DNM3: variants seen among roughly 807,000 people sequenced by gnomAD.
DNM3 encodes the protein dynamin 3.
DNM3 carries 47 observed loss-of-function variants against 101.6 expected under a neutral mutation model. The observed-to-expected ratio is 0.46, with a 90% CI of 0.37 to 0.59. The LOEUF (loss-of-function observed/expected upper bound fraction) is 0.59, where lower values mean the gene tolerates loss of function less well. Among genes scored for constraint, DNM3 ranks in the 20% least tolerant of loss-of-function variants. DNM3 has a pLI of 0.00. For missense variants in DNM3, 849 were observed against 1,085.7 expected, an observed-to-expected ratio of 0.78 and a Z score of 3.06; for synonymous variants, 385 against 387.9, an observed-to-expected ratio of 0.99 and a Z score of 0.09.
At chr1:172,311,085 T>C (rs1228224488) in intron 16 of DNM3, 1 of 152,152 alleles carries the variant, frequency 6.6e-6, no homozygotes, top group Admixed American at 6.6e-5. Flanking sequence ...TTGAATGAGA[T>C]AATGCAGGGA....
intron 14 of DNM3, among the ~76,000 whole-genome samples, chr1:172,227,224 C>T (rs1170605603): frequency 7.2e-6 from 1 of 138,034 alleles, no homozygotes. Flanking sequence ...CAAGTTGCTG[C>T]AAATAACATT....
chr1:172,048,569 CA>C (rs1558482516), intron 9 of DNM3, 42 bp from the exon 10 acceptor site: 1 of 1,559,772 alleles, frequency 6.4e-7, no homozygotes, highest in Admixed American at 2.1e-5. Context: ...GAATATTACT[CA>C]ATTAAAAAAA....
intron 14 of DNM3, among the ~76,000 whole-genome samples, chr1:172,250,449 C>T (rs918514968): frequency 2.6e-5 from 4 of 152,032 alleles, no homozygotes; most frequent in Non-Finnish European, 4.4e-5. Context: ...CTTCCATAAA[C>T]AATGGAAAGC....
intron 14 of DNM3, among the ~76,000 whole-genome samples, chr1:172,244,840 C>A (rs1247712487): frequency 6.6e-6 from 1 of 152,174 alleles, no homozygotes; most frequent in Admixed American, 6.5e-5. Context: ...TTTGACCCAA[C>A]CATCCCATTA....
intron 2 of DNM3, among the ~76,000 whole-genome samples, chr1:171,985,213 G>A (rs936059459): frequency 6.6e-6 from 1 of 151,848 alleles, no homozygotes; most frequent in Non-Finnish European, 1.5e-5. Flanking sequence ...CATTTTCCAT[G>A]GAATATATGG....
intron 15 of DNM3, among the ~76,000 whole-genome samples, chr1:172,280,361 T>C (rs550582237): frequency 6.6e-6 from 1 of 152,340 alleles, no homozygotes; most frequent in African/African-American, 2.4e-5. Flanking sequence ...ATAAGTTCAG[T>C]GAAGGCAAAA....
chr1:172,133,953 T>C (rs371283264), intron 14 of DNM3, among the ~76,000 whole-genome samples: 30 of 152,300 alleles, frequency 2.0e-4, no homozygotes, highest in African/African-American at 6.7e-4. Flanking sequence ...CTGAAAATGA[T>C]TGGAGTGTTC....
At chr1:172,328,743 C>T (rs1056184427) in intron 17 of DNM3, among the ~76,000 whole-genome samples, 2 of 152,146 alleles carry the variant, frequency 1.3e-5, no homozygotes, top group Admixed American at 1.3e-4. Context: ...CTGTGTCATG[C>T]AATTAACCTA....
At chr1:172,150,235 A>G (rs1169844879) in intron 14 of DNM3, among the ~76,000 whole-genome samples, 1 of 152,162 alleles carries the variant, frequency 6.6e-6, no homozygotes, top group African/African-American at 2.4e-5. Context: ...TATTCATGCC[A>G]TCATGGAAAT....
At chr1:172,111,411 A>G (rs1266510257) in intron 13 of DNM3, among the ~76,000 whole-genome samples, 1 of 152,244 alleles carries the variant, frequency 6.6e-6, no homozygotes, top group Admixed American at 6.5e-5. Flanking sequence ...TCTACTTGAT[A>G]ATAATATCAG....
Position 172,319,625 on chromosome 1 carries a change from G to GA in DNM3, c.1882-3698dup, listed in dbSNP as rs1214870388. Among the ~76,000 whole-genome samples the GA allele has an allele frequency of 2.0e-5, 3 of 152,170 alleles. No homozygotes were observed. In the East Asian group the frequency reaches 5.8e-4, roughly 29 times the overall value. ...ACATTTATGCAGCCAAAAGACACAT[G>GA]AAAAAATGCTCATCATCACTGGCCA... On this transcript the variant is annotated intron_variant, in intron 16 of 20. Coordinates refer to ENST00000627582, the MANE Select transcript of DNM3 (RefSeq NM_015569.5).
chr1:172,324,019 T>A (rs1464198063), intron 17 of DNM3, among the ~76,000 whole-genome samples: 1 of 152,186 alleles, frequency 6.6e-6, no homozygotes, highest in African/African-American at 2.4e-5. Context: ...TTATAATAGA[T>A]CAATGAGCAA....
intron 1 of DNM3, among the ~76,000 whole-genome samples, chr1:171,895,781 T>G (rs1375245026): frequency 1.3e-5 from 2 of 152,134 alleles, no homozygotes; most frequent in Admixed American, 6.5e-5. Context: ...GGTCTAACAT[T>G]TAAGTCTTTA....
At chr1:171,980,529 G>A (rs2044710333) in intron 2 of DNM3, among the ~76,000 whole-genome samples, 1 of 151,998 alleles carries the variant, frequency 6.6e-6, no homozygotes, top group South Asian at 2.1e-4. Context: ...CCCCTTCAGT[G>A]CTACAGAACT....
chr1:172,162,670 A>T (rs2058586835), intron 14 of DNM3, among the ~76,000 whole-genome samples: 1 of 152,088 alleles, frequency 6.6e-6, no homozygotes, highest in East Asian at 1.9e-4. Context: ...ATAATATTTT[A>T]AAATTTTAAA....
chr1:172,057,790 C>A (rs900263571), intron 10 of DNM3, among the ~76,000 whole-genome samples: 1 of 151,414 alleles, frequency 6.6e-6, no homozygotes, highest in African/African-American at 2.4e-5. Flanking sequence ...CATCAACTAA[C>A]GAGCAAAATA....
intron 14 of DNM3, among the ~76,000 whole-genome samples, chr1:172,208,038 A>T (rs923885427): frequency 4.6e-5 from 7 of 152,112 alleles, no homozygotes; most frequent in Non-Finnish European, 2.9e-5. Flanking sequence ...TGAAAAAAAA[A>T]ATCCTTGCTT....
intron 4 of DNM3, among the ~76,000 whole-genome samples, chr1:171,992,396 G>T (rs1044351265): frequency 1.3e-5 from 2 of 152,022 alleles, no homozygotes; most frequent in Non-Finnish European, 2.9e-5. Context: ...CAGTATATTC[G>T]ATGTGTTGTT....
At chr1:172,280,776 C>T (rs540720376) in intron 15 of DNM3, among the ~76,000 whole-genome samples, 19 of 152,266 alleles carry the variant, frequency 1.2e-4, no homozygotes, top group Middle Eastern at 6.8e-3. Context: ...AACTCAAATT[C>T]ATGAAAATTA....
Sources: allele counts gnomAD v4.1 joint callset (sites outside exome capture counted in the v4.1 genomes callset), GRCh38; gene constraint gnomAD v4.1.1; transcripts MANE v1.5; gene names NCBI Gene and HGNC (gene_info 2026-07-23, HGNC 2026-07-21).